The following CFAP299 variants were observed in gnomAD, a reference collection of about 807,000 sequenced individuals.
CFAP299 encodes the protein cilia and flagella associated protein 299.
In CFAP299, 21 loss-of-function variants were observed where a neutral mutation model predicts 27.0. The ratio of observed to expected loss-of-function variants is 0.78; its 90% confidence interval spans 0.55 to 1.12. CFAP299 has a LOEUF of 1.12. Ranked by LOEUF, CFAP299 falls within the 50% of genes most tolerant of loss-of-function variation. The pLI is 0.00. For missense variants in CFAP299, 310 were observed against 276.6 expected (o/e 1.12, Z -0.86); for synonymous variants, 104 against 98.1 (o/e 1.06, Z -0.36).
intron 3 of CFAP299, among the ~76,000 whole-genome samples, chr4:80,695,124 G>C (rs1299921209): frequency 6.6e-6 from 1 of 152,042 alleles, no homozygotes; most frequent in East Asian, 1.9e-4. Context: ...TCCATATTTG[G>C]GGACAGGATA....
At position 80,586,011 on chromosome 4, in the gene CFAP299, G is replaced by A. The variant is rs528236845; in HGVS notation, c.333+2828G>A. 5.8e-4 allele frequency among the ~76,000 whole-genome samples: 89 copies of A among 152,180 alleles called. 1 individual carries two copies. Among genetic ancestry groups the A allele is most frequent in the African/African-American group, 2.0e-3 (82 of 41,514 alleles). ...AAAGACATATAATCCTGGCTTTAGA[G>A]GATTTAGTATAGTTCAGTGATTAAA... On this transcript the variant is annotated intron_variant, in intron 3 of 5. Coordinates refer to ENST00000358105, the MANE Select transcript of CFAP299 (RefSeq NM_152770.3).
chr4:80,940,774 A>C lies in CFAP299; in HGVS notation c.477-4036A>C, dbSNP rs952449467. Among the ~76,000 whole-genome samples, 4 of 152,150 alleles carry C rather than the reference A, an allele frequency of 2.6e-5. No individual in the cohort carries two copies. In the East Asian group the frequency reaches 5.8e-4, roughly 22 times the overall value. ...TACTAATATCTCTCTGTCCTAAAAA[A>C]TTATACCTTGTAAATATATATACAA... is the stretch of plus-strand genomic sequence containing the variant. On this transcript the variant is annotated intron_variant, in intron 4 of 5. Transcript: ENST00000358105.
At chr4:80,346,652 G>C (rs1722743575) in intron 1 of CFAP299, among the ~76,000 whole-genome samples, 1 of 152,146 alleles carries the variant, frequency 6.6e-6, no homozygotes, top group Non-Finnish European at 1.5e-5. Context: ...TTTGGTACCA[G>C]TACCATGCTG....
intron 2 of CFAP299, among the ~76,000 whole-genome samples, chr4:80,574,649 T>C (rs1354951813): frequency 6.6e-6 from 1 of 152,172 alleles, no homozygotes; most frequent in Non-Finnish European, 1.5e-5. Flanking sequence ...TCCACAGTTT[T>C]TGAGGGTTTT....
intron 2 of CFAP299, among the ~76,000 whole-genome samples, chr4:80,523,218 C>A (rs1733007732): frequency 6.6e-6 from 1 of 151,972 alleles, no homozygotes; most frequent in African/African-American, 2.4e-5. Context: ...TAAGTTTATT[C>A]CCAAGTATTT....
intron 3 of CFAP299, among the ~76,000 whole-genome samples, chr4:80,684,648 T>C (rs771066601): frequency 9.9e-5 from 15 of 152,092 alleles, no homozygotes; most frequent in Non-Finnish European, 1.6e-4. Flanking sequence ...TTATAGTATC[T>C]AAACTAGACC....
At chr4:80,618,139 A>G (rs770852978) in intron 3 of CFAP299, among the ~76,000 whole-genome samples, 56 of 152,280 alleles carry the variant, frequency 3.7e-4, no homozygotes, top group African/African-American at 5.1e-4. Context: ...CTGATAGCAT[A>G]TGAAGTATCT....
At position 80,362,852 on chromosome 4, in the gene CFAP299, G is replaced by T; in HGVS notation, c.210G>T (p.Glu70Asp). The T allele has an allele frequency of 6.2e-7, 1 of 1,612,350 alleles. No homozygotes were observed. Among genetic ancestry groups the T allele is most frequent in the Non-Finnish European group, 8.5e-7 (1 of 1,179,568 alleles). Residue 70 changes from glutamate (E) to aspartate (D), a missense_variant, in exon 2 of 6, where the codon GAG becomes GAT. Transcript: ENST00000358105. ...EDFEARKAAIEIARLAERAQQ... is the reference protein window; with the variant it reads ...EDFEARKAAIDIARLAERAQQ... ...TTGAAGCAAGGAAAGCGGCTATAGAGATTGCAAGACTGGCTGAAAGAGCTC... is the reference window on the plus strand; with the variant it reads ...TTGAAGCAAGGAAAGCGGCTATAGATATTGCAAGACTGGCTGAAAGAGCTC...
chr4:80,807,995 T>C (rs949509298), intron 3 of CFAP299, among the ~76,000 whole-genome samples: 1 of 151,418 alleles, frequency 6.6e-6, no homozygotes, highest in Non-Finnish European at 1.5e-5. Flanking sequence ...ACTATCCATA[T>C]CATGTGAGCA....
intron 3 of CFAP299, among the ~76,000 whole-genome samples, chr4:80,837,059 T>C (rs1034063988): frequency 1.3e-5 from 2 of 151,982 alleles, no homozygotes; most frequent in East Asian, 3.8e-4. Flanking sequence ...TTAACAAATA[T>C]ATTGCTTAGT....
At chr4:80,745,851 C>A (rs1407399699) in intron 3 of CFAP299, among the ~76,000 whole-genome samples, 1 of 152,014 alleles carries the variant, frequency 6.6e-6, no homozygotes, top group Non-Finnish European at 1.5e-5. Flanking sequence ...CTTTTGAAAA[C>A]CTTGACAGTT....
chr4:80,626,614 T>C (rs1160217248), intron 3 of CFAP299, among the ~76,000 whole-genome samples: 1 of 151,704 alleles, frequency 6.6e-6, no homozygotes, highest in Non-Finnish European at 1.5e-5. Context: ...AATAAAACTT[T>C]AGCTTCACTA....
chr4:80,760,784 A>G (rs1725505240), intron 3 of CFAP299, among the ~76,000 whole-genome samples: 2 of 152,176 alleles, frequency 1.3e-5, no homozygotes, highest in South Asian at 4.1e-4. Context: ...AAATTAAGAG[A>G]GTAGATGAAG....
rs1184205840 is a variant in CFAP299 at position 80,789,223 on chromosome 4, C to T, written c.334-80770C>T. ...TCTGACCTGTGTTTCTTCAGCCTGC[C>T]TGGTGTGTAAGATGTTATTGAAGCT... On this transcript the variant is annotated intron_variant, in intron 3 of 5. Transcript: ENST00000358105. 2.0e-5 allele frequency among the ~76,000 whole-genome samples: 3 copies of T among 151,044 alleles called. No homozygotes were observed. In the East Asian group the frequency reaches 5.8e-4, roughly 29 times the overall value.
chr4:80,371,738 T>G (rs1724161279), intron 2 of CFAP299, among the ~76,000 whole-genome samples: 1 of 151,112 alleles, frequency 6.6e-6, no homozygotes, highest in Non-Finnish European at 1.5e-5. Context: ...AAGTTGCCTC[T>G]TTCAATCTGA....
At chr4:80,657,390 A>C (rs996880296) in intron 3 of CFAP299, among the ~76,000 whole-genome samples, 1 of 151,864 alleles carries the variant, frequency 6.6e-6, no homozygotes, top group Non-Finnish European at 1.5e-5. Context: ...AATCCATCTT[A>C]AGTTGATTTT....
At chr4:80,905,680 C>G (rs1197621479) in intron 4 of CFAP299, among the ~76,000 whole-genome samples, 2 of 152,094 alleles carry the variant, frequency 1.3e-5, no homozygotes, top group Non-Finnish European at 2.9e-5. Context: ...GCAAACATGT[C>G]CTTCTTCACA....
intron 4 of CFAP299, among the ~76,000 whole-genome samples, chr4:80,919,777 C>G (rs948427605): frequency 6.6e-6 from 1 of 152,034 alleles, no homozygotes; most frequent in African/African-American, 2.4e-5. Context: ...AGATCACCAT[C>G]CAGATAGAAT....
At chr4:80,411,592 A>G (rs1204770495) in intron 2 of CFAP299, among the ~76,000 whole-genome samples, 2 of 152,112 alleles carry the variant, frequency 1.3e-5, no homozygotes, top group Non-Finnish European at 2.9e-5. Flanking sequence ...ACAATATAAT[A>G]TATAGCAACC....
Sources: gnomAD v4.1 joint callset for allele counts (sites outside exome capture counted in the v4.1 genomes callset) on GRCh38, gnomAD v4.1.1 for gene constraint, MANE v1.5 for transcripts, NCBI Gene and HGNC (gene_info 2026-07-23, HGNC 2026-07-21) for gene names.